ITIH6: variants seen among roughly 807,000 people sequenced by gnomAD.
ITIH6 encodes inter-alpha-trypsin inhibitor heavy chain family member 6.
In ITIH6, 60 loss-of-function variants were observed where a neutral mutation model predicts 58.2. The ratio of observed to expected loss-of-function variants is 1.03; its 90% CI spans 0.84 to 1.28. The LOEUF (loss-of-function observed/expected upper bound fraction) is 1.28, where lower values mean the gene tolerates loss of function less well. Among genes scored for constraint, ITIH6 ranks in the 50% most tolerant of loss-of-function variants. ITIH6 has a pLI of 0.00. For missense variants in ITIH6, 1,290 were observed against 1,021.1 expected (o/e 1.26, Z -3.59); for synonymous variants, 493 against 417.4 (o/e 1.18, Z -2.21).
chrX:54,794,381 C>A (rs1367973893), intron 2 of ITIH6, among the ~76,000 whole-genome samples: 3 of 111,156 alleles, frequency 2.7e-5, no homozygotes, highest in Non-Finnish European at 5.7e-5. Flanking sequence ...CCAAATTCTG[C>A]CTGACTACTT....
At chrX:54,776,537 T>C (rs1486757105) in intron 5 of ITIH6, among the ~76,000 whole-genome samples, 1 of 109,668 alleles carries the variant, frequency 9.1e-6, no homozygotes, top group African/African-American at 3.3e-5. Context: ...AAGAGACCCC[T>C]TCATTCTGCT....
chrX:54,753,904 G>A (rs1419250874), intron 10 of ITIH6, 26 bp downstream of exon 10: 5 of 1,201,718 alleles, frequency 4.2e-6, no homozygotes, highest in Middle Eastern at 2.4e-4. Context: ...ACTCAAACAG[G>A]GGAGCCATGG....
At chrX:54,794,768 G>A (rs1052162655) in intron 2 of ITIH6, among the ~76,000 whole-genome samples, 3 of 111,156 alleles carry the variant, frequency 2.7e-5, no homozygotes, top group Non-Finnish European at 5.7e-5. Flanking sequence ...AACAAGGGTG[G>A]ATATTCTGCT....
At position 54,758,955 on chromosome X, in the gene ITIH6, C is replaced by A; in HGVS notation, c.1119G>T (p.Leu373=). ...NSALLAAASV[L]NHSNQEPGRG... ...TCCCAGGCTCCTGGTTGCTATGGTT[C>A]AGCACTGAAGCAGCTGCCAGCAGAG... The change falls in exon 8 of 13, where the codon CTG becomes CTT. Residue 373 remains leucine (L), a synonymous_variant. Coordinates refer to ENST00000218436, the MANE Select transcript of ITIH6 (RefSeq NM_198510.3). The A allele has an allele frequency of 8.4e-7, 1 of 1,191,691 alleles. No homozygotes were observed. The highest frequency in any genetic ancestry group is 1.1e-6 in the Non-Finnish European group (1 of 884,389).
rs774528153 is a variant in ITIH6, at chrX:54,759,745, C to A, written c.1075+11G>T. ...AGCCTGCCCATTTGGGTGGGTAGAT[C>A]TAACACTTACAGCCATCGGCTTCCA... is the stretch of plus-strand genomic sequence containing the variant. On this transcript the variant is annotated intron_variant, in intron 7 of 12. Coordinates refer to ENST00000218436, the MANE Select transcript of ITIH6 (RefSeq NM_198510.3). 9 of 1,198,027 alleles carry A rather than the reference C, an allele frequency of 7.5e-6. No individual in the cohort carries two copies. The South Asian group carries it at 1.7e-4, about 22-fold the overall frequency.
intron 5 of ITIH6, among the ~76,000 whole-genome samples, chrX:54,786,807 G>A (rs1318769737): frequency 4.5e-5 from 5 of 111,530 alleles, no homozygotes; most frequent in Admixed American, 9.5e-5. Flanking sequence ...ACTCAGAGAC[G>A]ATAAGTAGGC....
At chrX:54,752,192 A>C (rs1377348585) in intron 11 of ITIH6, among the ~76,000 whole-genome samples, 1 of 111,870 alleles carries the variant, frequency 8.9e-6, no homozygotes, top group Non-Finnish European at 1.9e-5. Flanking sequence ...GATGGATTTC[A>C]AAATTTTTTG....
intron 6 of ITIH6, among the ~76,000 whole-genome samples, chrX:54,770,593 A>C (rs773631502): frequency 8.9e-6 from 1 of 112,456 alleles, no homozygotes; most frequent in African/African-American, 3.2e-5. Context: ...ATAACACTAT[A>C]CAGCTTTATG....
chrX:54,794,809 A>G (rs1929412339), intron 2 of ITIH6, among the ~76,000 whole-genome samples: 2 of 111,037 alleles, frequency 1.8e-5, no homozygotes, highest in African/African-American at 6.6e-5. Flanking sequence ...GGTAAATCTG[A>G]TAGTCCCTCT....
chrX:54,769,851 C>G (rs1300162485), intron 6 of ITIH6, among the ~76,000 whole-genome samples: 1 of 101,013 alleles, frequency 9.9e-6, no homozygotes, highest in Non-Finnish European at 2.0e-5. Context: ...TGCCCTGCCC[C>G]CAGAGGTGGA....
intron 1 of ITIH6, 94 bp downstream of exon 1, chrX:54,798,015 T>C (rs1002228022): frequency 1.0e-5 from 6 of 578,627 alleles, no homozygotes; most frequent in Admixed American, 3.5e-5. Flanking sequence ...GTCATAGGAC[T>C]GAAGAAACAC....
chrX:54,793,458 T>C (rs935047712), intron 2 of ITIH6, among the ~76,000 whole-genome samples: 1 of 112,295 alleles, frequency 8.9e-6, no homozygotes, highest in African/African-American at 3.2e-5. Flanking sequence ...TTTCAGGACA[T>C]AGTTGCTCAG....
chrX:54,776,337 G>T (rs139042519), intron 5 of ITIH6, among the ~76,000 whole-genome samples: 1,407 of 111,132 alleles, frequency 0.013, 32 homozygotes, highest in African/African-American at 0.044. Flanking sequence ...GTGCTCTAGG[G>T]CTCTAAATAA....
At chrX:54,771,771 A>T (rs138747290) in intron 6 of ITIH6, among the ~76,000 whole-genome samples, 1,288 of 112,087 alleles carry the variant, frequency 0.011, 15 homozygotes, top group African/African-American at 0.039. Flanking sequence ...AGAAATGGAA[A>T]TCAAAACCAC....
At chrX:54,754,387 A>AAATAGGTTATTT (rs2147599798) in intron 9 of ITIH6, among the ~76,000 whole-genome samples, 1 of 112,180 alleles carries the variant, frequency 8.9e-6, no homozygotes, top group African/African-American at 3.2e-5. Flanking sequence ...ATCCTCCCAG[A>AAATAGGTTATTT]AATAGGTTAT....
At chrX:54,789,616 T>C (rs1357232425) in intron 4 of ITIH6, among the ~76,000 whole-genome samples, 1 of 112,015 alleles carries the variant, frequency 8.9e-6, no homozygotes, top group African/African-American at 3.2e-5. Context: ...GGGTCCAGGT[T>C]CCAGCTGCTG....
At chrX:54,777,603 CAG>C (rs56091331) in intron 5 of ITIH6, among the ~76,000 whole-genome samples, 34 of 108,162 alleles carry the variant, frequency 3.1e-4, no homozygotes, top group East Asian at 2.9e-4. Flanking sequence ...TGGCTCACAA[CAG>C]AGAGAGAGAG....
rs1381077503 is a variant in ITIH6, at chrX:54,751,077, G to A, written c.3656C>T (p.Thr1219Ile). 8.3e-7 allele frequency: 1 copy of A among 1,200,919 alleles called. No individual in the cohort carries two copies. The highest frequency in any genetic ancestry group is 3.0e-5 in the East Asian group (1 of 33,488). Residue 1219 changes from threonine (T) to isoleucine (I), a missense_variant, in exon 12 of 13, where the codon ACC becomes ATC. Transcript: ENST00000218436. ...VLRHRYRHPS[T>I]LQLPHLGFYV... ...GAACCCCAGGTGGGGTAGTTGCAGG[G>A]TACTGGGATGCCTGTAGCGGTGTCG...
intron 6 of ITIH6, among the ~76,000 whole-genome samples, chrX:54,762,265 T>C (rs1928663520): frequency 9.0e-6 from 1 of 111,730 alleles, no homozygotes; most frequent in Non-Finnish European, 1.9e-5. Context: ...ATAAGAATGC[T>C]TGTGATTTTT....
Sources: gnomAD v4.1 joint callset for allele counts (sites outside exome capture counted in the v4.1 genomes callset) on GRCh38, gnomAD v4.1.1 for gene constraint, MANE v1.5 for transcripts, NCBI Gene and HGNC (gene_info 2026-07-23, HGNC 2026-07-21) for gene names.